The following TMEM40 variants were observed in gnomAD, a reference collection of about 807,000 sequenced individuals.
TMEM40 encodes the protein transmembrane protein 40.
TMEM40 carries 34 observed loss-of-function variants against 40.8 expected under a neutral mutation model. That is an observed-to-expected ratio of 0.83 (90% CI 0.63 to 1.11). The LOEUF (loss-of-function observed/expected upper bound fraction) is 1.11. Ranked by LOEUF, TMEM40 falls within the 50% of genes least tolerant of loss-of-function variation. The pLI is 0.00. For missense variants in TMEM40, 296 were observed against 280.2 expected (o/e 1.06, Z -0.40); for synonymous variants, 106 against 107.0 (o/e 0.99, Z 0.06).
At position 12,738,317 on chromosome 3, in the gene TMEM40, G is replaced by A. The variant is rs532071318; in HGVS notation, c.392-149C>T. The A allele has an allele frequency of 9.9e-5, 102 of 1,035,292 alleles. No individual in the cohort carries two copies. The African/African-American group carries it at 1.5e-3, about 15-fold the overall frequency. 64.1% of individuals were successfully genotyped at this position (1,035,292 alleles called of 1,614,324 possible). A position where few individuals can be genotyped will look rare whatever the true frequency, so the allele number is the denominator to read the frequency against. On this transcript the variant is annotated intron_variant, in intron 6 of 11. Coordinates refer to ENST00000314124, the MANE Select transcript of TMEM40 (RefSeq NM_018306.4). ...GGTATCCTTCTCTCTATTGATGGCT[G>A]GTTGGTTGTAATCTCCTGGGGTCTT...
chr3:12,735,457 C>T, intron 11 of TMEM40, 98 bp downstream of exon 11: 1 of 1,268,254 alleles, frequency 7.9e-7, no homozygotes, highest in Non-Finnish European at 1.1e-6. Context: ...GGGTCCTCTG[C>T]CTCCAGGCTG....
chr3:12,762,366 C>T (rs992272177), upstream of TMEM40, among the ~76,000 whole-genome samples: 1 of 152,190 alleles, frequency 6.6e-6, no homozygotes, highest in Admixed American at 6.5e-5. Context: ...TCAGGAGCTA[C>T]AGAACTTCTA....
chr3:12,748,145 C>T (rs536876881), intron 3 of TMEM40, among the ~76,000 whole-genome samples: 17 of 152,210 alleles, frequency 1.1e-4, no homozygotes, highest in African/African-American at 3.1e-4. Flanking sequence ...ACCTGTATAA[C>T]GAATTTCATC....
At chr3:12,739,610 A>T (rs1256120364) in intron 5 of TMEM40, among the ~76,000 whole-genome samples, 1 of 151,266 alleles carries the variant, frequency 6.6e-6, no homozygotes, top group Non-Finnish European at 1.5e-5. Context: ...TAATAGAGAC[A>T]GGGTCTTATT....
chr3:12,769,216 A>G (rs1195114538), intron 1 of TMEM40: 1 of 382,516 alleles, frequency 2.6e-6, no homozygotes, highest in East Asian at 9.0e-5. Flanking sequence ...TGCTGCGTGC[A>G]GCCCCGGTTC....
At chr3:12,754,952 C>CTTCT (rs146839839) in intron 1 of TMEM40, among the ~76,000 whole-genome samples, 4 of 151,518 alleles carry the variant, frequency 2.6e-5, no homozygotes, top group South Asian at 2.1e-4. Context: ...CTTTTCTTTC[C>CTTCT]TTCTTTCTTT....
At position 12,738,137 on chromosome 3, in the gene TMEM40, A is replaced by G. The variant is rs763050250; in HGVS notation, c.423T>C (p.Ser141=). Residue 141 remains serine (S), a splice_region_variant and synonymous_variant, in exon 7 of 12, where the codon AGT becomes AGC. Coordinates refer to ENST00000314124, the MANE Select transcript of TMEM40 (RefSeq NM_018306.4). ...TCCTATTTGAGCTTGTGTATTTACC[A>G]CTTGCTGGGTCAGAGCCTCTCCTTC... is the stretch of plus-strand genomic sequence containing the variant. The part of the protein sequence containing the change: ...GLRRRGSDPA[S]GEVEASQLRR... 1.2e-6 allele frequency: 2 copies of G among 1,613,800 alleles called. No individual in the cohort carries two copies. The highest frequency in any genetic ancestry group is 1.1e-5 in the South Asian group (1 of 90,982).
chr3:12,754,938 T>C (rs1392522669), intron 1 of TMEM40, among the ~76,000 whole-genome samples: 1 of 151,544 alleles, frequency 6.6e-6, no homozygotes, highest in Non-Finnish European at 1.5e-5. Flanking sequence ...AATTTTCTTC[T>C]TTTCTTTTCT....
chr3:12,766,682 G>A (rs1197957183), intron 1 of TMEM40, among the ~76,000 whole-genome samples: 1 of 151,920 alleles, frequency 6.6e-6, no homozygotes. Context: ...CCAGTCCATC[G>A]GCCACCCTCT....
At position 12,734,487 on chromosome 3, in the gene TMEM40, C is replaced by A. The variant is rs1415193203; in HGVS notation, c.*287G>T. On this transcript the variant is annotated 3_prime_UTR_variant, in exon 12 of 12. Transcript: ENST00000314124. ...CCTTGCTGTCCTCTGAGAGCAGTGA[C>A]CTCCCAGAATCTTCCTGCTGGTCCA... 2 of 451,032 alleles carry A rather than the reference C, an allele frequency of 4.4e-6. No individual in the cohort carries two copies. Among genetic ancestry groups the A allele is most frequent in the Non-Finnish European group, 8.1e-6 (2 of 247,326 alleles). 27.9% of individuals were successfully genotyped at this position (451,032 alleles called of 1,614,324 possible).
Position 12,742,514 on chromosome 3 carries a change from G to A in TMEM40, c.302-7C>T. ...GGCTCCCCATGCCCAGGACCTGGAT[G>A]GAGACAAACCCCTTAGTCAGCACTC... On this transcript the variant is annotated splice_region_variant and splice_polypyrimidine_tract_variant and intron_variant, in intron 4 of 11. Transcript: ENST00000314124. 1 of 1,613,822 alleles carries A rather than the reference G, an allele frequency of 6.2e-7. No individual in the cohort carries two copies.
chr3:12,764,195 T>G (rs2061584659), upstream of TMEM40, among the ~76,000 whole-genome samples: 1 of 152,184 alleles, frequency 6.6e-6, no homozygotes, highest in African/African-American at 2.4e-5. Context: ...ATTACAGGTG[T>G]GAGCTGCCGT....
chr3:12,747,553 A>G (rs1191226186), intron 3 of TMEM40, among the ~76,000 whole-genome samples: 2 of 152,208 alleles, frequency 1.3e-5, no homozygotes, highest in Non-Finnish European at 2.9e-5. Flanking sequence ...TTTGAATTAA[A>G]AGAATACAAA....
chr3:12,736,550 G>A (rs373115752), intron 10 of TMEM40, 28 bp downstream of exon 10: 38 of 1,547,600 alleles, frequency 2.5e-5, no homozygotes, highest in Non-Finnish European at 3.2e-5. Context: ...GAGACTGTGT[G>A]TGTGTCCATG....
intron 3 of TMEM40, among the ~76,000 whole-genome samples, chr3:12,745,226 A>AT (rs144839288): frequency 2.6e-3 from 333 of 127,088 alleles, no homozygotes; most frequent in East Asian, 9.6e-3. Flanking sequence ...CACCTGGCTA[A>AT]TTTTTTTTTT....
chr3:12,737,821 C>T, intron 7 of TMEM40, 67 bp from the exon 8 acceptor site: 2 of 1,487,076 alleles, frequency 1.3e-6, no homozygotes, highest in South Asian at 1.1e-5. Context: ...TTTCTTTTCC[C>T]TGCCTCATTG....
intron 5 of TMEM40, chr3:12,741,323 G>A (rs898882230): frequency 6.6e-6 from 1 of 152,170 alleles, no homozygotes; most frequent in Non-Finnish European, 1.5e-5. Context: ...TCCCCTCAAG[G>A]GCAGACAGGC....
Position 12,758,707 on chromosome 3 carries a change from C to T in TMEM40, c.-9+484G>A, listed in dbSNP as rs560185139. ...GCTGGCAGCCCAGGGTGGCTTCCTC[C>T]AGGAAGGGCAGAGAGAGGGGCAGCT... On this transcript the variant is annotated intron_variant, in intron 1 of 11. Coordinates refer to ENST00000314124, the MANE Select transcript of TMEM40 (RefSeq NM_018306.4). Among the ~76,000 whole-genome samples, 87 of 152,336 alleles carry T rather than the reference C, an allele frequency of 5.7e-4. 1 individual carries two copies. In the South Asian group the frequency reaches 0.017, roughly 30 times the overall value.
intron 8 of TMEM40, 52 bp from the exon 9 acceptor site, chr3:12,736,887 T>A (rs1369279775): frequency 6.2e-7 from 1 of 1,612,246 alleles, no homozygotes; most frequent in South Asian, 1.1e-5. Context: ...CTCTCTTTTT[T>A]TGGGCAGAGG....
Sources: allele counts gnomAD v4.1 joint callset (sites outside exome capture counted in the v4.1 genomes callset), GRCh38; gene constraint gnomAD v4.1.1; transcripts MANE v1.5; gene names NCBI Gene and HGNC (gene_info 2026-07-23, HGNC 2026-07-21).